Variants in NR2C2 observed in about 807,000 individuals in gnomAD.
NR2C2 encodes the protein Nuclear hormone receptor TR4.
Under a neutral mutation model 62.9 loss-of-function variants are expected in NR2C2, and 6 were observed. The ratio of observed to expected loss-of-function variants is 0.10; its 90% CI spans 0.05 to 0.19. The LOEUF is 0.19. Among genes scored for constraint, NR2C2 ranks in the 10% least tolerant of loss-of-function variants. NR2C2 has a pLI of 1.00. For synonymous variants in NR2C2, 272 were observed against 273.8 expected (o/e 0.99, Z 0.07); for missense variants, 479 against 762.7 (o/e 0.63, Z 4.38).
chr3:14,948,899 C>G (rs1292679161), intron 1 of NR2C2, among the ~76,000 whole-genome samples: 1 of 152,116 alleles, frequency 6.6e-6, no homozygotes, highest in Admixed American at 6.5e-5. Flanking sequence ...CCAGGCCGGA[C>G]CTCCCTTCTG....
At chr3:14,952,531 A>G (rs773652410) in intron 1 of NR2C2, among the ~76,000 whole-genome samples, 1 of 152,242 alleles carries the variant, frequency 6.6e-6, no homozygotes, top group Non-Finnish European at 1.5e-5. Flanking sequence ...CCCCAAGTCC[A>G]GCCTTGATGT....
At chr3:14,999,746 C>G (rs1174958916) in intron 1 of NR2C2, among the ~76,000 whole-genome samples, 1 of 152,040 alleles carries the variant, frequency 6.6e-6, no homozygotes, top group Non-Finnish European at 1.5e-5. Context: ...GTCCCATCAC[C>G]ATTTGTCGAA....
intron 3 of NR2C2, among the ~76,000 whole-genome samples, chr3:15,014,848 A>ATGGTGGTCT (rs2041461828): frequency 6.6e-6 from 1 of 152,130 alleles, no homozygotes; most frequent in Non-Finnish European, 1.5e-5. Flanking sequence ...ACCACATTTT[A>ATGGTGGTCT]TCTCTTCATC....
rs113041582 is a variant in NR2C2 at position 15,045,961 on chromosome 3, A to G, written c.*2953A>G. ...GAAGTATCTCAGATAATGTTGGGTT[A>G]AGACAGATAGATGTTGAAAATGGTG... is the stretch of plus-strand genomic sequence containing the variant. On this transcript the variant is annotated 3_prime_UTR_variant, in exon 14 of 14. Transcript: ENST00000425241. 3 of 144,588 alleles carry G rather than the reference A, an allele frequency of 2.1e-5. No individual in the cohort carries two copies. Among genetic ancestry groups the G allele is most frequent in the African/African-American group, 7.7e-5 (3 of 39,034 alleles). 9.0% of individuals were successfully genotyped at this position (144,588 alleles called of 1,614,324 possible).
intron 1 of NR2C2, among the ~76,000 whole-genome samples, chr3:14,990,957 TTTG>T: frequency 6.6e-6 from 1 of 152,230 alleles, no homozygotes; most frequent in East Asian, 1.9e-4. Context: ...GCAAAAGTTG[TTTG>T]TTGTTTTTGG....
intron 1 of NR2C2, among the ~76,000 whole-genome samples, chr3:14,981,336 C>G (rs36118024): frequency 0.33 from 50,095 of 151,786 alleles, 9,121 homozygotes; most frequent in African/African-American, 0.48. Context: ...GGGCGCGGTG[C>G]CTCACGCCTG....
intron 1 of NR2C2, among the ~76,000 whole-genome samples, chr3:14,996,764 G>A (rs965450050): frequency 2.0e-4 from 31 of 152,252 alleles, no homozygotes; most frequent in African/African-American, 4.8e-5. Flanking sequence ...GGGTTTCACC[G>A]TGTTAGCCAG....
chr3:15,023,614 AT>A (rs1304342101), intron 6 of NR2C2, among the ~76,000 whole-genome samples: 1 of 152,216 alleles, frequency 6.6e-6, no homozygotes, highest in Non-Finnish European at 1.5e-5. Context: ...GAAGACAATT[AT>A]TTTATGATTC....
chr3:14,978,059 TAAA>T (rs921423805), intron 1 of NR2C2, among the ~76,000 whole-genome samples: 127 of 150,184 alleles, frequency 8.5e-4, no homozygotes, highest in African/African-American at 3.0e-3. Context: ...ATAAAAATAT[TAAA>T]AAAAAAGAAT....
rs772683895 is a variant in NR2C2, at chr3:15,030,436, C to T, written c.1094C>T (p.Thr365Ile). 2 of 1,601,434 alleles carry T rather than the reference C, an allele frequency of 1.2e-6. No individual in the cohort carries two copies. The highest frequency in any genetic ancestry group is 1.7e-6 in the Non-Finnish European group (2 of 1,175,748). ...IEVEGPLLSD[T>I]HVTFKLTMPS... Reference sequence around the variant, plus strand: ...GTTGAAGGCCCCCTCCTTTCAGACACACACGTCACATTTAAGGTGAGTGAA... The same window carrying T: ...GTTGAAGGCCCCCTCCTTTCAGACATACACGTCACATTTAAGGTGAGTGAA... Residue 365 changes from threonine to isoleucine, a missense_variant, in exon 9 of 14, where the codon ACA becomes ATA. Coordinates refer to ENST00000425241, the MANE Select transcript of NR2C2 (RefSeq NM_001291694.2).
chr3:15,009,412 C>T (rs1294233325), intron 2 of NR2C2, among the ~76,000 whole-genome samples: 1 of 152,088 alleles, frequency 6.6e-6, no homozygotes, highest in Non-Finnish European at 1.5e-5. Flanking sequence ...GATCACTTCA[C>T]CTCAGTGTTT....
chr3:15,021,733 C>T (rs1166772702), intron 5 of NR2C2, among the ~76,000 whole-genome samples: 1 of 152,230 alleles, frequency 6.6e-6, no homozygotes, highest in African/African-American at 2.4e-5. Context: ...CAGGCTTCCG[C>T]TGAGTATGCT....
chr3:15,016,180 G>A lies in NR2C2; in HGVS notation c.302G>A (p.Arg101His), dbSNP rs146514188. 53 of 1,614,044 alleles carry A rather than the reference G, an allele frequency of 3.3e-5. No individual in the cohort carries two copies. The highest frequency in any genetic ancestry group is 2.8e-4 in the African/African-American group (21 of 75,030). ...QIVTDSASVE[R>H]LLGKTDVQRP... ...GTCACGGATTCTGCCTCTGTGGAGC[G>A]TTTACTGGGGAAGACGGACGTCCAG... Residue 101 changes from arginine (R) to histidine (H), a missense_variant, in exon 4 of 14, where the codon CGT becomes CAT. Coordinates refer to ENST00000425241, the MANE Select transcript of NR2C2 (RefSeq NM_001291694.2).
chr3:14,957,476 G>C (rs1479926291), intron 1 of NR2C2, among the ~76,000 whole-genome samples: 1 of 152,118 alleles, frequency 6.6e-6, no homozygotes. Flanking sequence ...CTTTGTTGTT[G>C]GTGGGGTGAT....
intron 1 of NR2C2, among the ~76,000 whole-genome samples, chr3:14,963,885 TAA>T (rs2039761546): frequency 6.6e-6 from 1 of 152,138 alleles, no homozygotes; most frequent in Non-Finnish European, 1.5e-5. Context: ...GATCAACCAT[TAA>T]CTGAAATGCA....
chr3:14,963,727 C>T (rs1299626060), intron 1 of NR2C2, among the ~76,000 whole-genome samples: 1 of 152,128 alleles, frequency 6.6e-6, no homozygotes, highest in Admixed American at 6.5e-5. Context: ...GCCTCTGCCT[C>T]CCAAAGTCGC....
At chr3:14,972,440 G>T (rs2040071295) in intron 1 of NR2C2, among the ~76,000 whole-genome samples, 1 of 151,932 alleles carries the variant, frequency 6.6e-6, no homozygotes, top group Non-Finnish European at 1.5e-5. Flanking sequence ...CTCCGAAAGT[G>T]CTGGATTACA....
At chr3:14,948,465 G>A (rs1011181686) in intron 1 of NR2C2, 1 of 152,272 alleles carries the variant, frequency 6.6e-6, no homozygotes, top group Non-Finnish European at 1.5e-5. Context: ...GAGGGCCGGG[G>A]CCTGTGGCAC....
At chr3:14,969,961 T>C (rs142854429) in intron 1 of NR2C2, among the ~76,000 whole-genome samples, 37 of 152,336 alleles carry the variant, frequency 2.4e-4, no homozygotes, top group African/African-American at 8.7e-4. Context: ...AGTTGGGTTT[T>C]CAGTGTGCTG....
Sources: gnomAD v4.1 joint callset for allele counts (sites outside exome capture counted in the v4.1 genomes callset) on GRCh38, gnomAD v4.1.1 for gene constraint, MANE v1.5 for transcripts, NCBI Gene and HGNC (gene_info 2026-07-23, HGNC 2026-07-21) for gene names.